Variants in NKAIN2 observed in about 807,000 individuals in gnomAD.
The protein encoded by NKAIN2 is sodium/potassium-transporting ATPase subunit beta-1-interacting protein 2.
NKAIN2 carries 14 observed loss-of-function variants against 32.6 expected under a neutral mutation model. The observed-to-expected ratio is 0.43, with a 90% CI of 0.28 to 0.67. The LOEUF is 0.67. Among genes scored for constraint, NKAIN2 ranks in the 30% least tolerant of loss-of-function variants. NKAIN2 has a pLI of 0.17. For synonymous variants in NKAIN2, 80 were observed against 87.2 expected (o/e 0.92, Z 0.46); for missense variants, 198 against 258.3 (o/e 0.77, Z 1.60).
chr6:123,988,874 AGTGT>A lies in NKAIN2; in HGVS notation c.54+184649_54+184652del, dbSNP rs72226512. ...TTGCTGTAGATATTTGAACCTTAAG[AGTGT>A]GTGTGTGTGTGTGTGTGTGTGTGTG... is the stretch of plus-strand genomic sequence containing the variant. On this transcript the variant is annotated intron_variant, in intron 1 of 6. Transcript: ENST00000368417. 4.2e-3 allele frequency among the ~76,000 whole-genome samples: 559 copies of A among 134,292 alleles called. 3 individuals carry two copies. The highest frequency in any genetic ancestry group is 0.02 in the South Asian group (76 of 3,884). The allele number at this position is 134,292 out of a possible 152,430, so 88.1% of individuals were successfully genotyped here.
chr6:123,838,700 G>A (rs1244107512), intron 1 of NKAIN2, among the ~76,000 whole-genome samples: 5 of 152,126 alleles, frequency 3.3e-5, no homozygotes, highest in Admixed American at 6.5e-5. Context: ...GGATCATTAT[G>A]TTAAAGCAGT....
intron 4 of NKAIN2, among the ~76,000 whole-genome samples, chr6:124,690,757 C>A (rs1332700787): frequency 6.6e-6 from 1 of 152,184 alleles, no homozygotes; most frequent in African/African-American, 2.4e-5. Context: ...TGTCTCATCA[C>A]ATCTCACCTG....
At chr6:124,025,357 A>T (rs184640207) in intron 1 of NKAIN2, among the ~76,000 whole-genome samples, 1 of 152,078 alleles carries the variant, frequency 6.6e-6, no homozygotes, top group Non-Finnish European at 1.5e-5. Flanking sequence ...TCTTCTCCCA[A>T]TATACCCCCA....
At chr6:123,982,242 G>A (rs1192977987) in intron 1 of NKAIN2, among the ~76,000 whole-genome samples, 1 of 152,138 alleles carries the variant, frequency 6.6e-6, no homozygotes, top group Admixed American at 6.5e-5. Context: ...TCTTGACAGT[G>A]TGCTTGTACT....
At chr6:124,585,480 A>C (rs1781680949) in intron 3 of NKAIN2, among the ~76,000 whole-genome samples, 1 of 152,222 alleles carries the variant, frequency 6.6e-6, no homozygotes, top group East Asian at 1.9e-4. Flanking sequence ...TTATGTCAAC[A>C]TTGAGGTGAT....
At chr6:124,411,092 G>A (rs1341073651) in intron 3 of NKAIN2, among the ~76,000 whole-genome samples, 1 of 151,872 alleles carries the variant, frequency 6.6e-6, no homozygotes, top group Non-Finnish European at 1.5e-5. Flanking sequence ...CGTGAGATGG[G>A]TTTCCTGAAT....
At chr6:123,915,737 A>T (rs1283452437) in intron 1 of NKAIN2, among the ~76,000 whole-genome samples, 1 of 152,172 alleles carries the variant, frequency 6.6e-6, no homozygotes, top group Non-Finnish European at 1.5e-5. Context: ...CACATGCACG[A>T]ATTCTCTTGT....
At chr6:124,799,457 A>C (rs945132087) in intron 5 of NKAIN2, among the ~76,000 whole-genome samples, 10 of 152,078 alleles carry the variant, frequency 6.6e-5, no homozygotes, top group African/African-American at 2.4e-4. Context: ...ATTGCTTTTC[A>C]CTCATACACA....
At chr6:123,936,759 T>G (rs1217123960) in intron 1 of NKAIN2, among the ~76,000 whole-genome samples, 4 of 152,098 alleles carry the variant, frequency 2.6e-5, no homozygotes, top group Non-Finnish European at 4.4e-5. Context: ...CCTCCACAAA[T>G]TGCATGAGCA....
At chr6:124,049,244 C>T (rs1782288166) in intron 1 of NKAIN2, among the ~76,000 whole-genome samples, 1 of 151,860 alleles carries the variant, frequency 6.6e-6, no homozygotes, top group Non-Finnish European at 1.5e-5. Flanking sequence ...CTAGCATATA[C>T]TAAGTGATAA....
At position 124,335,754 on chromosome 6, in the gene NKAIN2, G is replaced by A. The variant is rs372009252; in HGVS notation, c.193-19513G>A. Among the ~76,000 whole-genome samples the A allele has an allele frequency of 1.7e-3, 258 of 151,298 alleles. 1 individual carries two copies. The highest frequency in any genetic ancestry group is 5.3e-3 in the African/African-American group (218 of 41,180). ...TTAACATTCTCTACAATATTTTTTC[G>A]TCTTTCTCAAAACACAGATGTATGA... On this transcript the variant is annotated intron_variant, in intron 2 of 6. Transcript: ENST00000368417.
At chr6:124,581,751 G>C (rs967041453) in intron 3 of NKAIN2, among the ~76,000 whole-genome samples, 2 of 152,170 alleles carry the variant, frequency 1.3e-5, no homozygotes, top group African/African-American at 4.8e-5. Flanking sequence ...ATATGCTCCT[G>C]AGTGACCTCT....
intron 1 of NKAIN2, among the ~76,000 whole-genome samples, chr6:123,899,658 A>C (rs1774461623): frequency 6.6e-6 from 1 of 152,178 alleles, no homozygotes. Flanking sequence ...CTCATGATGT[A>C]AGCAGCCCCT....
Position 124,038,342 on chromosome 6 carries a change from G to A in NKAIN2, c.54+234088G>A, listed in dbSNP as rs552127517. Among the ~76,000 whole-genome samples, 15 of 151,756 alleles carry A rather than the reference G, an allele frequency of 9.9e-5. No homozygotes were observed. The South Asian group carries it at 1.0e-3, about 11-fold the overall frequency. ...TGATTCTCCTGCCTCAGCCTCCTGC[G>A]TATCTGGGATTACAGACACCCACCA... is the stretch of plus-strand genomic sequence containing the variant. On this transcript the variant is annotated intron_variant, in intron 1 of 6. Transcript: ENST00000368417.
Position 123,926,381 on chromosome 6 carries a change from A to G in NKAIN2, c.54+122127A>G, listed in dbSNP as rs28547253. 7.9e-3 allele frequency among the ~76,000 whole-genome samples: 1,208 copies of G among 152,144 alleles called. 11 individuals are homozygous for G. Among genetic ancestry groups the G allele is most frequent in the African/African-American group, 0.027 (1,132 of 41,510 alleles). ...CCTTTAAGTACCCTGTCTTAAACCT[A>G]AGTCTTCACTTCTGCAGATTCCTGT... On this transcript the variant is annotated intron_variant, in intron 1 of 6. Transcript: ENST00000368417.
chr6:124,439,530 C>G (rs1036131199), intron 3 of NKAIN2, among the ~76,000 whole-genome samples: 2 of 151,934 alleles, frequency 1.3e-5, no homozygotes, highest in African/African-American at 4.8e-5. Flanking sequence ...TACTTTCCCA[C>G]TATCCTTAGG....
intron 1 of NKAIN2, among the ~76,000 whole-genome samples, chr6:124,145,754 C>T (rs1183884166): frequency 2.0e-5 from 3 of 152,132 alleles, no homozygotes; most frequent in African/African-American, 4.8e-5. Flanking sequence ...ATCCACCCCC[C>T]TCAGCCTCCC....
At chr6:123,935,533 G>A (rs1776461763) in intron 1 of NKAIN2, among the ~76,000 whole-genome samples, 1 of 151,630 alleles carries the variant, frequency 6.6e-6, no homozygotes, top group African/African-American at 2.4e-5. Context: ...ATTTTTGAAT[G>A]TGTTAAGTTT....
intron 1 of NKAIN2, among the ~76,000 whole-genome samples, chr6:124,097,719 G>A (rs1439260890): frequency 6.6e-6 from 1 of 152,288 alleles, no homozygotes; most frequent in South Asian, 2.1e-4. Flanking sequence ...ACCTGGGAAT[G>A]TTGACGCATA....
Sources: allele counts gnomAD v4.1 joint callset (sites outside exome capture counted in the v4.1 genomes callset), GRCh38; gene constraint gnomAD v4.1.1; transcripts MANE v1.5; gene names NCBI Gene and HGNC (gene_info 2026-07-23, HGNC 2026-07-21).